Variants in NCALD observed in about 807,000 individuals in gnomAD.
NCALD encodes the protein neurocalcin delta, also known as neurocalcin-delta.
NCALD carries 10 observed loss-of-function variants against 18.6 expected under a neutral mutation model. The ratio of observed to expected loss-of-function variants is 0.54; its 90% CI spans 0.33 to 0.91. The LOEUF is 0.91. Among genes scored for constraint, NCALD ranks in the 40% least tolerant of loss-of-function variants. The pLI is 0.03. For missense variants in NCALD, 184 were observed against 247.6 expected, an observed-to-expected ratio of 0.74 and a Z score of 1.72; for synonymous variants, 88 against 87.4, an observed-to-expected ratio of 1.01 and a Z score of -0.04.
At chr8:101,881,394 C>G (rs2131461008) in intron 4 of NCALD, among the ~76,000 whole-genome samples, 1 of 152,254 alleles carries the variant, frequency 6.6e-6, no homozygotes, top group Non-Finnish European at 1.5e-5. Flanking sequence ...TTTGATTAAA[C>G]CGCCGATAAT....
chr8:102,114,216 T>C (rs1386745192), intron 1 of NCALD, among the ~76,000 whole-genome samples: 2 of 152,194 alleles, frequency 1.3e-5, no homozygotes, highest in African/African-American at 4.8e-5. Context: ...TCTCCACCAC[T>C]GTAGATGTGG....
intron 4 of NCALD, among the ~76,000 whole-genome samples, chr8:101,882,178 C>T (rs998015405): frequency 1.3e-4 from 20 of 152,252 alleles, no homozygotes; most frequent in South Asian, 6.2e-4. Flanking sequence ...TGAAGGATCA[C>T]GCTAACAACA....
At chr8:101,983,324 G>C (rs1820691286) in intron 2 of NCALD, among the ~76,000 whole-genome samples, 1 of 152,080 alleles carries the variant, frequency 6.6e-6, no homozygotes, top group Non-Finnish European at 1.5e-5. Flanking sequence ...TTTTCTTTAG[G>C]AAAGGTTATT....
intron 2 of NCALD, among the ~76,000 whole-genome samples, chr8:101,978,673 CTG>C (rs1475113917): frequency 9.9e-5 from 15 of 152,056 alleles, no homozygotes; most frequent in African/African-American, 3.6e-4. Flanking sequence ...GGTGAGGACA[CTG>C]TTTTTATAGT....
intron 2 of NCALD, among the ~76,000 whole-genome samples, chr8:101,952,074 A>G (rs1217734946): frequency 2.0e-5 from 3 of 152,206 alleles, no homozygotes; most frequent in African/African-American, 7.2e-5. Flanking sequence ...GTTAGACCCA[A>G]GCTCCTCTTG....
At chr8:101,881,461 A>G (rs1272633633) in intron 4 of NCALD, among the ~76,000 whole-genome samples, 1 of 152,240 alleles carries the variant, frequency 6.6e-6, no homozygotes. Context: ...GTCAAACACC[A>G]TCACCAAAGG....
intron 1 of NCALD, among the ~76,000 whole-genome samples, chr8:101,783,463 G>A (rs1812098233): frequency 1.3e-5 from 2 of 152,210 alleles, no homozygotes; most frequent in South Asian, 4.1e-4. Flanking sequence ...ACCTGGCTAA[G>A]GAGAATACCC....
chr8:101,900,443 G>T (rs2131561104), intron 3 of NCALD, among the ~76,000 whole-genome samples: 1 of 151,994 alleles, frequency 6.6e-6, no homozygotes, highest in East Asian at 1.9e-4. Context: ...TAGGAGCTCA[G>T]ATTATCAATT....
At chr8:101,846,469 G>T (rs1814871825) in intron 4 of NCALD, among the ~76,000 whole-genome samples, 1 of 152,152 alleles carries the variant, frequency 6.6e-6, no homozygotes, top group South Asian at 2.1e-4. Context: ...AAGTTGGTTG[G>T]CCTGGTTCTA....
intron 4 of NCALD, among the ~76,000 whole-genome samples, chr8:101,840,453 G>T (rs1814598564): frequency 6.6e-6 from 1 of 152,100 alleles, no homozygotes; most frequent in Non-Finnish European, 1.5e-5. Context: ...CTACCTATGT[G>T]TTTTTTACTA....
At chr8:101,867,549 C>T (rs1441237778) in intron 4 of NCALD, among the ~76,000 whole-genome samples, 2 of 152,160 alleles carry the variant, frequency 1.3e-5, no homozygotes, top group Non-Finnish European at 2.9e-5. Context: ...AGAAAAGCTT[C>T]CAATTTTGGA....
chr8:102,069,272 TATATC>T (rs1194651296), intron 1 of NCALD, among the ~76,000 whole-genome samples: 1 of 152,134 alleles, frequency 6.6e-6, no homozygotes, highest in African/African-American at 2.4e-5. Flanking sequence ...AATGTAAACA[TATATC>T]ATATTGTATC....
chr8:101,786,281 TA>T (rs1409527706), intron 1 of NCALD, among the ~76,000 whole-genome samples: 1 of 152,196 alleles, frequency 6.6e-6, no homozygotes, highest in East Asian at 1.9e-4. Flanking sequence ...CCAGGGTCCA[TA>T]AAGGCCCTTG....
chr8:102,022,651 G>C (rs1822315595), intron 1 of NCALD, among the ~76,000 whole-genome samples: 1 of 152,166 alleles, frequency 6.6e-6, no homozygotes, highest in African/African-American at 2.4e-5. Flanking sequence ...CAGGAGCAAA[G>C]CAAAGGCTTT....
At chr8:102,005,269 T>A (rs952090797) in intron 2 of NCALD, among the ~76,000 whole-genome samples, 1 of 152,048 alleles carries the variant, frequency 6.6e-6, no homozygotes, top group African/African-American at 2.4e-5. Context: ...AAAAGACACA[T>A]GAAAAAATGC....
At chr8:102,101,299 C>T (rs56224216) in intron 1 of NCALD, among the ~76,000 whole-genome samples, 36,339 of 152,110 alleles carry the variant, frequency 0.24, 4,633 homozygotes, top group African/African-American at 0.28. Context: ...GCCTGAAATC[C>T]GCATTTTTAT....
intron 4 of NCALD, among the ~76,000 whole-genome samples, chr8:101,847,070 G>A (rs995547378): frequency 3.3e-5 from 5 of 152,124 alleles, no homozygotes; most frequent in Admixed American, 6.5e-5. Flanking sequence ...CTTTCAGCTA[G>A]AAGGGTCCCT....
chr8:101,758,547 T>C (rs1342958172), intron 1 of NCALD, among the ~76,000 whole-genome samples: 1 of 152,228 alleles, frequency 6.6e-6, no homozygotes, highest in Non-Finnish European at 1.5e-5. Context: ...TCCCATGAAT[T>C]ATGGCAGATC....
At chr8:101,816,603 GAATTA>G (rs1395035891) in intron 4 of NCALD, among the ~76,000 whole-genome samples, 1 of 152,066 alleles carries the variant, frequency 6.6e-6, no homozygotes. Flanking sequence ...TATAAAACTT[GAATTA>G]AATTTGTATG....
Sources: gnomAD v4.1 joint callset for allele counts (sites outside exome capture counted in the v4.1 genomes callset) on GRCh38, gnomAD v4.1.1 for gene constraint, MANE v1.5 for transcripts, NCBI Gene and HGNC (gene_info 2026-07-23, HGNC 2026-07-21) for gene names.